Variants in DEPDC5 observed in about 807,000 individuals in gnomAD.
DEPDC5 encodes GATOR1 complex protein DEPDC5.
A neutral mutation model predicts 217.3 loss-of-function variants in DEPDC5; 73 were observed. The ratio of observed to expected loss-of-function variants is 0.34; its 90% confidence interval spans 0.28 to 0.41. The LOEUF is 0.41. DEPDC5 is among the 10% of genes least tolerant of loss of function. The pLI is 1.00. For synonymous variants in DEPDC5, 733 were observed against 756.7 expected, an observed-to-expected ratio of 0.97 and a Z score of 0.51; for missense variants, 1,675 against 2,070.1, an observed-to-expected ratio of 0.81 and a Z score of 3.70.
chr22:31,899,985 C>T (rs79091373), intron 40 of DEPDC5, among the ~76,000 whole-genome samples: 3 of 152,124 alleles, frequency 2.0e-5, no homozygotes, highest in Non-Finnish European at 2.9e-5. Flanking sequence ...TATGGAGGAG[C>T]GGACTTATCT....
chr22:31,893,854 C>G, intron 39 of DEPDC5, 103 bp downstream of exon 39: 1 of 1,264,852 alleles, frequency 7.9e-7, no homozygotes, highest in Non-Finnish European at 1.0e-6. Context: ...AGTTCAGGCT[C>G]TTATTACCAT....
chr22:31,864,421 T>G (rs2092616094), intron 33 of DEPDC5, among the ~76,000 whole-genome samples: 1 of 149,634 alleles, frequency 6.7e-6, no homozygotes, highest in South Asian at 2.1e-4. Flanking sequence ...GATGGCTGCT[T>G]TCAAATCTTG....
chr22:31,853,970 C>T lies in DEPDC5; in HGVS notation c.3156-3475C>T, dbSNP rs1187551783. Among the ~76,000 whole-genome samples, 11 of 152,338 alleles carry T rather than the reference C, an allele frequency of 7.2e-5. No homozygotes were observed. In the South Asian group the frequency reaches 1.9e-3, roughly 26 times the overall value. On this transcript the variant is annotated intron_variant, in intron 31 of 42. Coordinates refer to ENST00000651528, the MANE Select transcript of DEPDC5 (RefSeq NM_001242896.3). ...TGCAGAGGCACGTGAAGGGCGTCTGCGTGCTTTTACCCTTCCTGCTTCTGT... is the reference window on the plus strand; with the variant it reads ...TGCAGAGGCACGTGAAGGGCGTCTGTGTGCTTTTACCCTTCCTGCTTCTGT...
intron 8 of DEPDC5, among the ~76,000 whole-genome samples, chr22:31,778,497 AC>A (rs1446104849): frequency 6.6e-6 from 1 of 152,184 alleles, no homozygotes; most frequent in Non-Finnish European, 1.5e-5. Flanking sequence ...TCAAAAACAA[AC>A]AAAAAACACA....
At position 31,906,513 on chromosome 22, in the gene DEPDC5, G is replaced by C; in HGVS notation, c.*16G>C. On this transcript the variant is annotated 3_prime_UTR_variant, in exon 43 of 43. Coordinates refer to ENST00000651528, the MANE Select transcript of DEPDC5 (RefSeq NM_001242896.3). This position sits in a 1 kb window ranked among gnomAD's most constrained non-coding sequence, Gnocchi z 5.1. ...TGCCCCGTGAGGCCAGGCTGCACCT[G>C]TGCTGGGGGAAGGTGGGTGAGCCAC... 6.2e-7 allele frequency: 1 copy of C among 1,610,544 alleles called. No individual in the cohort carries two copies. The highest frequency in any genetic ancestry group is 2.2e-5 in the East Asian group (1 of 44,826).
At chr22:31,851,241 G>T (rs1254659721) in intron 31 of DEPDC5, among the ~76,000 whole-genome samples, 1 of 152,136 alleles carries the variant, frequency 6.6e-6, no homozygotes, top group South Asian at 2.1e-4. Context: ...AGGCCTTTGG[G>T]TATGTGGCCT....
chr22:31,880,776 G>A (rs944971702), intron 38 of DEPDC5, among the ~76,000 whole-genome samples: 4 of 152,128 alleles, frequency 2.6e-5, no homozygotes, highest in African/African-American at 9.7e-5. Context: ...TGTAATCCCA[G>A]CACTTTGGGA....
intron 39 of DEPDC5, among the ~76,000 whole-genome samples, chr22:31,895,101 G>T (rs892518596): frequency 1.1e-4 from 15 of 142,506 alleles, no homozygotes; most frequent in African/African-American, 4.0e-4. Flanking sequence ...CTGAGATCGC[G>T]CCATTGCACT....
chr22:31,870,484 A>C lies in DEPDC5; in HGVS notation c.3331-106A>C, dbSNP rs368288598. 5.6e-6 allele frequency: 7 copies of C among 1,249,534 alleles called. No individual in the cohort carries two copies. In the East Asian group the frequency reaches 9.0e-5, roughly 16 times the overall value. 77.4% of individuals were successfully genotyped at this position (1,249,534 alleles called of 1,614,324 possible). A position where few individuals can be genotyped will look rare whatever the true frequency, so the allele number is the denominator to read the frequency against. ...GGAAGGATTGCATTAATTTTTGTTTATTTTTTGTGAATGCTTACTGAGTGA... is the reference window on the plus strand; with the variant it reads ...GGAAGGATTGCATTAATTTTTGTTTCTTTTTTGTGAATGCTTACTGAGTGA... On this transcript the variant is annotated intron_variant, in intron 33 of 42. Transcript: ENST00000651528.
rs5998147 is a variant in DEPDC5 at position 31,854,161 on chromosome 22, C to G, written c.3156-3284C>G. Among the ~76,000 whole-genome samples the G allele has an allele frequency of 2.5e-3, 374 of 152,240 alleles. 4 individuals carry two copies. Among genetic ancestry groups the G allele is most frequent in the African/African-American group, 8.2e-3 (341 of 41,524 alleles). Reference sequence around the variant, plus strand: ...CTCATGTATACACATATGCATTGTACCTGGTGGTTTTGTGGCAGTCCCCTC... The same window carrying G: ...CTCATGTATACACATATGCATTGTAGCTGGTGGTTTTGTGGCAGTCCCCTC... On this transcript the variant is annotated intron_variant, in intron 31 of 42. Transcript: ENST00000651528.
At chr22:31,895,100 CGCCA>C (rs2093523132) in intron 39 of DEPDC5, among the ~76,000 whole-genome samples, 3 of 145,880 alleles carry the variant, frequency 2.1e-5, no homozygotes, top group African/African-American at 7.7e-5. Context: ...GCTGAGATCG[CGCCA>C]TTGCACTCCA....
intron 35 of DEPDC5, 58 bp from the exon 36 acceptor site, chr22:31,874,215 A>T (rs1341018136): frequency 6.4e-7 from 1 of 1,571,110 alleles, no homozygotes; most frequent in Non-Finnish European, 8.6e-7. Context: ...CTTTCCTTCC[A>T]CTTGTTGCCA....
chr22:31,763,356 C>T (rs1354932233), intron 4 of DEPDC5, among the ~76,000 whole-genome samples: 2 of 151,902 alleles, frequency 1.3e-5, no homozygotes, highest in South Asian at 2.1e-4. Flanking sequence ...AATTCCTCAC[C>T]CCAGGTGATC....
chr22:31,865,981 C>T (rs188864543), intron 33 of DEPDC5, among the ~76,000 whole-genome samples: 22 of 152,310 alleles, frequency 1.4e-4, no homozygotes, highest in South Asian at 4.1e-4. Flanking sequence ...AGTGTCATCT[C>T]TACCAGCCTC....
At chr22:31,757,164 A>G (rs1016140462) in intron 2 of DEPDC5, 9 of 152,024 alleles carry the variant, frequency 5.9e-5, no homozygotes, top group African/African-American at 2.2e-4. Flanking sequence ...TTTGTCGTGA[A>G]ACTGTCAGTG....
intron 11 of DEPDC5, 49 bp from the exon 12 acceptor site, chr22:31,792,696 G>T: frequency 7.3e-7 from 1 of 1,373,274 alleles, no homozygotes; most frequent in South Asian, 1.4e-5. Context: ...TGACAAAACT[G>T]AATTTCTCTT....
intron 10 of DEPDC5, among the ~76,000 whole-genome samples, chr22:31,791,097 G>T (rs763834149): frequency 6.6e-6 from 1 of 152,056 alleles, no homozygotes; most frequent in Non-Finnish European, 1.5e-5. Flanking sequence ...CTGGTGACGC[G>T]TGTCTGTAGT....
intron 32 of DEPDC5, 142 bp downstream of exon 32, chr22:31,857,695 A>G (rs943373947): frequency 8.4e-6 from 5 of 593,050 alleles, no homozygotes; most frequent in East Asian, 6.3e-5. Context: ...TAAAGGTTCT[A>G]TTACTGTTAC....
At chr22:31,886,231 C>T (rs1484307469) in intron 38 of DEPDC5, among the ~76,000 whole-genome samples, 3 of 151,986 alleles carry the variant, frequency 2.0e-5, no homozygotes, top group Non-Finnish European at 2.9e-5. Context: ...TCTGTGTTGC[C>T]CAGGCTGGTC....
Sources: gnomAD v4.1 joint callset for allele counts (sites outside exome capture counted in the v4.1 genomes callset) on GRCh38, gnomAD v4.1.1 for gene constraint, Gnocchi (gnomAD v3.1) non-coding constraint, MANE v1.5 for transcripts, NCBI Gene and HGNC (gene_info 2026-07-23, HGNC 2026-07-21) for gene names.